Variants in POLR3H observed in about 807,000 individuals in gnomAD.
POLR3H encodes the protein DNA-directed RNA polymerase III subunit RPC8.
POLR3H carries 17 observed loss-of-function variants against 25.5 expected under a neutral mutation model. The ratio of observed to expected loss-of-function variants is 0.67; its 90% CI spans 0.46 to 1.00. POLR3H has a LOEUF of 1.00. POLR3H is among the 50% of genes least tolerant of loss of function. The probability of loss-of-function intolerance (pLI) is 0.00; values close to 1 mark genes in which losing one functional copy is unlikely to be tolerated. For missense variants in POLR3H, 274 were observed against 265.0 expected (o/e 1.03, Z -0.24); for synonymous variants, 129 against 103.0 (o/e 1.25, Z -1.53).
Position 41,527,816 on chromosome 22 carries a change from T to C in POLR3H, c.*1467A>G. 1 of 1,598,598 alleles carries C rather than the reference T, an allele frequency of 6.3e-7. No homozygotes were observed. The highest frequency in any genetic ancestry group is 8.5e-7 in the Non-Finnish European group (1 of 1,171,528). On this transcript the variant is annotated 3_prime_UTR_variant, in exon 6 of 6. Coordinates refer to ENST00000355209, the MANE Select transcript of POLR3H (RefSeq NM_001018050.4). ...GTCCCAGGCAGCAGGATTAGGGGCA[T>C]CTCCCAGAGCCCCAGATGGGTTCAG...
chr22:41,542,331 G>A (rs1249495225), intron 1 of POLR3H, among the ~76,000 whole-genome samples: 13 of 151,972 alleles, frequency 8.6e-5, no homozygotes, highest in Admixed American at 6.6e-4. Context: ...TGATCCACCC[G>A]CCTCAGCCTC....
Position 41,527,050 on chromosome 22 carries a change from GTCT to G in POLR3H, c.*2230_*2232del, listed in dbSNP as rs1210025443. ...TGCCAAGCACCAATGGGTGGCTTCT[GTCT>G]TCTTTGCCACTGCAAACAACCACGT... On this transcript the variant is annotated 3_prime_UTR_variant, in exon 6 of 6. Coordinates refer to ENST00000355209, the MANE Select transcript of POLR3H (RefSeq NM_001018050.4). 23 of 599,234 alleles carry G rather than the reference GTCT, an allele frequency of 3.8e-5. No individual in the cohort carries two copies. In the East Asian group the frequency reaches 6.6e-4, roughly 17 times the overall value. 37.1% of individuals were successfully genotyped at this position (599,234 alleles called of 1,614,324 possible). A position where few individuals can be genotyped will look rare whatever the true frequency, so the allele number is the denominator to read the frequency against.
At position 41,544,152 on chromosome 22, in the gene POLR3H, G is replaced by A. The variant is rs769460530; in HGVS notation, c.-51C>T. On this transcript the variant is annotated 5_prime_UTR_variant, in exon 1 of 6. Transcript: ENST00000355209. ...AACAGGAGGGTCAGTCACGCACCAG[G>A]GCCGGGGGCAGGGAGAATCCCCGAG... 20 of 1,167,078 alleles carry A rather than the reference G, an allele frequency of 1.7e-5. No individual in the cohort carries two copies. The highest frequency in any genetic ancestry group is 2.3e-5 in the Non-Finnish European group (18 of 791,144). 72.3% of individuals were successfully genotyped at this position (1,167,078 alleles called of 1,614,324 possible).
rs751931739 is a variant in POLR3H, at chr22:41,529,344, G to A, written c.562-8C>T. On this transcript the variant is annotated splice_region_variant and splice_polypyrimidine_tract_variant and intron_variant, in intron 5 of 5. Transcript: ENST00000355209. ...TGGCTCACTGATGGATCCCTGCCAGGGATAAAGAACACGCACATTTCACTG... is the reference window on the plus strand; with the variant it reads ...TGGCTCACTGATGGATCCCTGCCAGAGATAAAGAACACGCACATTTCACTG... The A allele has an allele frequency of 6.2e-7, 1 of 1,613,374 alleles. No homozygotes were observed. The highest frequency in any genetic ancestry group is 8.5e-7 in the Non-Finnish European group (1 of 1,179,722).
rs769265393 is a variant in POLR3H at position 41,526,232 on chromosome 22, G to A, written c.*3051C>T. Reference sequence around the variant, plus strand: ...ATCCACCCCTCCAGGGCCATGCCCTGACCTCTGTCCTCTCTACTTACCACC... The same window carrying A: ...ATCCACCCCTCCAGGGCCATGCCCTAACCTCTGTCCTCTCTACTTACCACC... On this transcript the variant is annotated 3_prime_UTR_variant, in exon 6 of 6. Transcript: ENST00000355209. The A allele has an allele frequency of 4.4e-6, 7 of 1,597,140 alleles. No individual in the cohort carries two copies. In the African/African-American group the frequency reaches 6.7e-5, roughly 15 times the overall value.
intron 2 of POLR3H, chr22:41,539,508 T>C (rs938669473): frequency 6.6e-6 from 1 of 152,588 alleles, no homozygotes; most frequent in African/African-American, 2.4e-5. Context: ...TCCTGGCTCC[T>C]CTCAGGGTGG....
chr22:41,540,736 G>A lies in POLR3H; in HGVS notation c.171C>T (p.Ala57=). 1 of 1,614,098 alleles carries A rather than the reference G, an allele frequency of 6.2e-7. No homozygotes were observed. Among genetic ancestry groups the A allele is most frequent in the African/African-American group, 1.3e-5 (1 of 75,036 alleles). ...CLFDITKLED[A]YVFPGDGASH... is the part of the protein sequence containing the mutation. ...ATGCGCCATCCCCAGGGAATACATA[G>A]GCATCCTCCAGTTTGGTGATATCAA... Residue 57 remains alanine (A), a synonymous_variant, in exon 2 of 6, where the codon GCC becomes GCT. Coordinates refer to ENST00000355209, the MANE Select transcript of POLR3H (RefSeq NM_001018050.4).
chr22:41,527,763 A>G lies in POLR3H; in HGVS notation c.*1520T>C. On this transcript the variant is annotated 3_prime_UTR_variant, in exon 6 of 6. Transcript: ENST00000355209. ...CACCCCTAGTGAAAGGGAGCAGACC[A>G]GGGCCCCATAGTCACTGCCCGGGCA... 7.1e-7 allele frequency: 1 copy of G among 1,418,088 alleles called. No homozygotes were observed. Among genetic ancestry groups the G allele is most frequent in the Non-Finnish European group, 9.6e-7 (1 of 1,044,398 alleles). 87.8% of individuals were successfully genotyped at this position (1,418,088 alleles called of 1,614,324 possible). A position where few individuals can be genotyped will look rare whatever the true frequency, so the allele number is the denominator to read the frequency against.
rs1349103173 is a variant in POLR3H at position 41,527,513 on chromosome 22, G to A, written c.*1770C>T. 2 of 1,509,224 alleles carry A rather than the reference G, an allele frequency of 1.3e-6. No individual in the cohort carries two copies. Among genetic ancestry groups the A allele is most frequent in the Non-Finnish European group, 1.8e-6 (2 of 1,127,204 alleles). The allele number at this position is 1,509,224 out of a possible 1,614,324, so 93.5% of individuals were successfully genotyped here. On this transcript the variant is annotated 3_prime_UTR_variant, in exon 6 of 6. Coordinates refer to ENST00000355209, the MANE Select transcript of POLR3H (RefSeq NM_001018050.4). ...CGTGGCTGAGTTGGGCCTGGTTCTA[G>A]GCTGTGTCCACTGCAGCCCACAGGC...
intron 2 of POLR3H, among the ~76,000 whole-genome samples, chr22:41,533,967 C>T (rs899410445): frequency 1.3e-5 from 2 of 152,060 alleles, no homozygotes; most frequent in African/African-American, 2.4e-5. Flanking sequence ...GATAAAACAC[C>T]GTCTCTACCA....
Position 41,528,086 on chromosome 22 carries a change from C to G in POLR3H, c.*1197G>C, listed in dbSNP as rs1725840744. On this transcript the variant is annotated 3_prime_UTR_variant, in exon 6 of 6. Transcript: ENST00000355209. Reference sequence around the variant, plus strand: ...GGCAGCCACCTTGTTTCCCCTCCTGCACTGGCCCCAGGGTAGCTTCTCCCA... The same window carrying G: ...GGCAGCCACCTTGTTTCCCCTCCTGGACTGGCCCCAGGGTAGCTTCTCCCA... 3 of 1,607,842 alleles carry G rather than the reference C, an allele frequency of 1.9e-6. No homozygotes were observed. The South Asian group carries it at 3.3e-5, about 18-fold the overall frequency.
chr22:41,538,285 C>T (rs1017488275), intron 2 of POLR3H, among the ~76,000 whole-genome samples: 3 of 151,996 alleles, frequency 2.0e-5, no homozygotes, highest in African/African-American at 4.8e-5. Flanking sequence ...AGGTGCCTGC[C>T]GCCACACCTG....
Position 41,528,957 on chromosome 22 carries a change from A to G in POLR3H, c.*326T>C. ...GAGAACCTTTTGTTCTTGCAAGGAA[A>G]ACAAGAATCCAAAACCAGTGACTGT... On this transcript the variant is annotated 3_prime_UTR_variant, in exon 6 of 6. Transcript: ENST00000355209. 1 of 518,322 alleles carries G rather than the reference A, an allele frequency of 1.9e-6. No homozygotes were observed. Among genetic ancestry groups the G allele is most frequent in the Non-Finnish European group, 3.4e-6 (1 of 293,604 alleles). The allele number at this position is 518,322 out of a possible 1,614,324, so 32.1% of individuals were successfully genotyped here. A position where few individuals can be genotyped will look rare whatever the true frequency, so the allele number is the denominator to read the frequency against.
At chr22:41,529,742 G>C in intron 5 of POLR3H, 2 of 470,904 alleles carry the variant, frequency 4.2e-6, no homozygotes, top group Admixed American at 5.4e-5. Context: ...CTCCTACAGG[G>C]AGCCCTACCT....
rs1272763569 is a variant in POLR3H at position 41,544,061 on chromosome 22, G to A, written c.41C>T (p.Pro14Leu). The A allele has an allele frequency of 1.9e-6, 3 of 1,613,830 alleles. No homozygotes were observed. The highest frequency in any genetic ancestry group is 4.5e-5 in the East Asian group (2 of 44,868). ...LVEMVDTVRI[P>L]PWQFERKLND... ...GAGCTTCCTCTCAAACTGCCAAGGG[G>A]GGATCCGGACGGTGTCCACCATTTC... The change falls in exon 1 of 6, where the codon CCC becomes CTC. Residue 14 changes from proline to leucine, a missense_variant. Transcript: ENST00000355209.
At chr22:41,536,308 T>G (rs1297407023) in intron 2 of POLR3H, among the ~76,000 whole-genome samples, 2 of 151,138 alleles carry the variant, frequency 1.3e-5, no homozygotes, top group East Asian at 4.0e-4. Flanking sequence ...GGCAGGAGAA[T>G]GGCGTGAACC....
rs368679095 is a variant in POLR3H, at chr22:41,543,981, G to A, written c.111+10C>T. On this transcript the variant is annotated intron_variant, in intron 1 of 5. Transcript: ENST00000355209. ...CGCCAAGGCCTGCCCGCGAGCCGTG[G>A]GCCCAGTACCTTGTTGGCCAACTTC... The A allele has an allele frequency of 2.5e-6, 4 of 1,601,626 alleles. No homozygotes were observed. Among genetic ancestry groups the A allele is most frequent in the East Asian group, 2.2e-5 (1 of 44,810 alleles).
At chr22:41,536,519 TACC>T (rs985210150) in intron 2 of POLR3H, among the ~76,000 whole-genome samples, 3 of 151,164 alleles carry the variant, frequency 2.0e-5, no homozygotes, top group East Asian at 2.0e-4. Flanking sequence ...ATGTATATTT[TACC>T]ACAATAGAAA....
In POLR3H at chr22:41,528,113, G is replaced by C; in HGVS notation, c.*1170C>G. On this transcript the variant is annotated 3_prime_UTR_variant, in exon 6 of 6. Coordinates refer to ENST00000355209, the MANE Select transcript of POLR3H (RefSeq NM_001018050.4). ...CTGGCCCCAGGGTAGCTTCTCCCAG[G>C]AGGCTTCATTCCAGCTGGAAAGGCC... 1 of 1,566,194 alleles carries C rather than the reference G, an allele frequency of 6.4e-7. No individual in the cohort carries two copies. The highest frequency in any genetic ancestry group is 8.7e-7 in the Non-Finnish European group (1 of 1,154,096).
Sources: allele counts gnomAD v4.1 joint callset (sites outside exome capture counted in the v4.1 genomes callset), GRCh38; gene constraint gnomAD v4.1.1; transcripts MANE v1.5; gene names NCBI Gene and HGNC (gene_info 2026-07-23, HGNC 2026-07-21).